CYP7B1: variants seen among roughly 807,000 people sequenced by gnomAD.
CYP7B1 encodes cytochrome P450 family 7 subfamily B member 1, also known as cytochrome P450 7B1.
Under a neutral mutation model 42.7 loss-of-function variants are expected in CYP7B1, and 29 were observed. The observed-to-expected ratio is 0.68, with a 90% CI of 0.51 to 0.93. The LOEUF is 0.93. CYP7B1 is among the 40% of genes least tolerant of loss of function. CYP7B1 has a pLI of 0.00. For missense variants in CYP7B1, 655 were observed against 600.5 expected (o/e 1.09, Z -0.95); for synonymous variants, 235 against 218.2 (o/e 1.08, Z -0.68).
chr8:64,770,873 A>C (rs1804210845), intron 1 of CYP7B1, among the ~76,000 whole-genome samples: 1 of 152,146 alleles, frequency 6.6e-6, no homozygotes, highest in Admixed American at 6.5e-5. Flanking sequence ...TCCAAACATT[A>C]GTTGATCATT....
chr8:64,688,336 G>GT (rs973467599), intron 1 of CYP7B1, among the ~76,000 whole-genome samples: 5 of 152,104 alleles, frequency 3.3e-5, no homozygotes, highest in African/African-American at 1.2e-4. Context: ...AGCTTTTGAA[G>GT]TTTTTTCCAT....
chr8:64,754,016 G>T (rs1210559454), intron 1 of CYP7B1, among the ~76,000 whole-genome samples: 1 of 152,150 alleles, frequency 6.6e-6, no homozygotes, highest in Non-Finnish European at 1.5e-5. Flanking sequence ...AAAGAGGCCA[G>T]TGTGGTTGGT....
At chr8:64,677,983 T>G (rs1422853607) in intron 1 of CYP7B1, among the ~76,000 whole-genome samples, 1 of 152,136 alleles carries the variant, frequency 6.6e-6, no homozygotes, top group African/African-American at 2.4e-5. Flanking sequence ...CAGCAAATGC[T>G]GTTTCTACCT....
At chr8:64,621,560 T>C (rs1805529783) in intron 2 of CYP7B1, among the ~76,000 whole-genome samples, 1 of 152,062 alleles carries the variant, frequency 6.6e-6, no homozygotes, top group African/African-American at 2.4e-5. Flanking sequence ...TCAAACAACA[T>C]GGTGCATTCA....
chr8:64,765,497 C>A (rs1807958365), intron 1 of CYP7B1, among the ~76,000 whole-genome samples: 1 of 152,146 alleles, frequency 6.6e-6, no homozygotes, highest in Non-Finnish European at 1.5e-5. Context: ...AGGACTCACC[C>A]CTGAGCACAA....
chr8:64,684,202 T>A (rs909395308), intron 1 of CYP7B1, among the ~76,000 whole-genome samples: 2 of 152,188 alleles, frequency 1.3e-5, no homozygotes. Context: ...ACACTCCTCA[T>A]CCCAAATACT....
intron 1 of CYP7B1, among the ~76,000 whole-genome samples, chr8:64,785,096 G>A (rs1804499183): frequency 6.6e-6 from 1 of 152,080 alleles, no homozygotes; most frequent in African/African-American, 2.4e-5. Flanking sequence ...TGGCAAATAA[G>A]CATATGAAAA....
intron 1 of CYP7B1, among the ~76,000 whole-genome samples, chr8:64,745,250 A>G (rs1369467143): frequency 2.0e-5 from 3 of 152,242 alleles, no homozygotes; most frequent in African/African-American, 7.2e-5. Flanking sequence ...CTCTGCATAG[A>G]CGAAAATGTC....
intron 1 of CYP7B1, among the ~76,000 whole-genome samples, chr8:64,736,405 AAC>A (rs1374841441): frequency 6.6e-6 from 1 of 152,176 alleles, no homozygotes; most frequent in East Asian, 1.9e-4. Flanking sequence ...AGAAAATACA[AAC>A]AAATATCTTC....
intron 1 of CYP7B1, among the ~76,000 whole-genome samples, chr8:64,763,875 T>C (rs1807927807): frequency 1.3e-5 from 2 of 152,236 alleles, no homozygotes; most frequent in African/African-American, 4.8e-5. Context: ...GTCCCGACCA[T>C]GACTTTCTTG....
At chr8:64,790,871 A>C (rs1804605889) in intron 1 of CYP7B1, among the ~76,000 whole-genome samples, 1 of 152,210 alleles carries the variant, frequency 6.6e-6, no homozygotes, top group Non-Finnish European at 1.5e-5. Context: ...TACAGATATA[A>C]TTAGTTAAGA....
chr8:64,748,637 G>A (rs1038635070), intron 1 of CYP7B1, among the ~76,000 whole-genome samples: 6 of 152,120 alleles, frequency 3.9e-5, no homozygotes, highest in Admixed American at 2.0e-4. Flanking sequence ...CTACCATCCA[G>A]TGAAATGTTA....
chr8:64,716,138 T>C (rs1306280888), intron 1 of CYP7B1, among the ~76,000 whole-genome samples: 1 of 152,218 alleles, frequency 6.6e-6, no homozygotes, highest in Non-Finnish European at 1.5e-5. Context: ...TCAAATTATT[T>C]TCTAATCTTC....
At chr8:64,657,351 G>C (rs1170969189) in intron 1 of CYP7B1, among the ~76,000 whole-genome samples, 1 of 152,124 alleles carries the variant, frequency 6.6e-6, no homozygotes, top group Non-Finnish European at 1.5e-5. Context: ...GGAAAAAAAA[G>C]CTTTAATATT....
Position 64,593,153 on chromosome 8 carries a change from T to C in CYP7B1, c.*3489A>G, listed in dbSNP as rs993927487. Among the ~76,000 whole-genome samples the C allele has an allele frequency of 3.3e-5, 5 of 152,164 alleles. No homozygotes were observed. The East Asian group carries it at 9.7e-4, about 29-fold the overall frequency. Reference sequence around the variant, plus strand: ...ATTTAAAGCTATGGAACTTCCACTTTAGGCAACATGGCGAACTAGACGTCC... The same window carrying C: ...ATTTAAAGCTATGGAACTTCCACTTCAGGCAACATGGCGAACTAGACGTCC... On this transcript the variant is annotated 3_prime_UTR_variant, in exon 6 of 6. Transcript: ENST00000310193.
intron 1 of CYP7B1, among the ~76,000 whole-genome samples, chr8:64,747,488 A>G (rs1807661937): frequency 6.6e-6 from 1 of 151,432 alleles, no homozygotes; most frequent in African/African-American, 2.4e-5. Context: ...ACACATTTGT[A>G]TATGTGTTAT....
rs1052140841 is a variant in CYP7B1 at position 64,594,328 on chromosome 8, G to A, written c.*2314C>T. ...ATGGATTGCTGTGCAGCAGTTAGAA[G>A]CAATAGATTAAATATAGTAGTATAC... On this transcript the variant is annotated 3_prime_UTR_variant, in exon 6 of 6. Transcript: ENST00000310193. Among the ~76,000 whole-genome samples the A allele has an allele frequency of 6.6e-6, 1 of 152,016 alleles. No individual in the cohort carries two copies. Among genetic ancestry groups the A allele is most frequent in the Non-Finnish European group, 1.5e-5 (1 of 68,006 alleles).
At chr8:64,692,084 G>A (rs768052463) in intron 1 of CYP7B1, among the ~76,000 whole-genome samples, 3 of 152,052 alleles carry the variant, frequency 2.0e-5, no homozygotes, top group Non-Finnish European at 2.9e-5. Flanking sequence ...AAATGAATAC[G>A]CATATGCTAA....
In CYP7B1 at chr8:64,596,698, A is replaced by T; in HGVS notation, c.1465T>A (p.Phe489Ile). The T allele has an allele frequency of 6.2e-7, 1 of 1,613,524 alleles. No individual in the cohort carries two copies. Among genetic ancestry groups the T allele is most frequent in the Non-Finnish European group, 8.5e-7 (1 of 1,179,786 alleles). The change falls in exon 6 of 6, where the codon TTT (phenylalanine) becomes ATT (isoleucine). Residue 489 changes from phenylalanine to isoleucine, a missense_variant. Physicochemically the swap from Phe to Ile is conservative, Grantham distance 21 (BLOSUM62 0). Transcript: ENST00000310193. ...TCAGAATCTGGATACTGAATACCAA[A>T]CAACAAGCGGCTGTAGTTTAGTCCT... ...PIGLNYSRLL[F>I]GIQYPDSDVL...
Sources: gnomAD v4.1 joint callset for allele counts (sites outside exome capture counted in the v4.1 genomes callset) on GRCh38, gnomAD v4.1.1 for gene constraint, MANE v1.5 for transcripts, NCBI Gene and HGNC (gene_info 2026-07-23, HGNC 2026-07-21) for gene names.